Variants in GRM7 observed in about 807,000 individuals in gnomAD.
GRM7 encodes metabotropic glutamate receptor 7.
GRM7 carries 35 observed loss-of-function variants against 84.5 expected under a neutral mutation model. That is an observed-to-expected ratio of 0.41 (90% CI 0.32 to 0.55). GRM7 has a LOEUF of 0.55. Ranked by LOEUF, GRM7 falls within the 20% of genes least tolerant of loss-of-function variation. The pLI is 0.19. For missense variants in GRM7, 1,003 were observed against 1,194.6 expected (o/e 0.84, Z 2.36); for synonymous variants, 487 against 455.1 (o/e 1.07, Z -0.89).
At chr3:7,430,821 G>A (rs1388952692) in intron 5 of GRM7, among the ~76,000 whole-genome samples, 1 of 152,126 alleles carries the variant, frequency 6.6e-6, no homozygotes, top group Non-Finnish European at 1.5e-5. Flanking sequence ...TGGAGTATAG[G>A]GAAGTTTGCT....
rs539726505 is a variant in GRM7 at position 7,237,179 on chromosome 3, T to G, written c.737-61505T>G. On this transcript the variant is annotated intron_variant, in intron 2 of 9. Transcript: ENST00000357716. ...TCTGTCATTGTGGCAGTGCCAGAAT[T>G]TGAGCACAAGTCAAAAGTCTATATT... 4.5e-4 allele frequency among the ~76,000 whole-genome samples: 69 copies of G among 152,246 alleles called. No homozygotes were observed. The South Asian group carries it at 0.011, about 24-fold the overall frequency.
intron 3 of GRM7, 65 bp from the exon 4 acceptor site, chr3:7,306,433 C>T: frequency 7.2e-7 from 1 of 1,389,850 alleles, no homozygotes; most frequent in Non-Finnish European, 1.0e-6. Context: ...TGCTGACTTG[C>T]AATCTACACG....
At chr3:7,415,699 ACATT>A (rs1419351695) in intron 5 of GRM7, among the ~76,000 whole-genome samples, 2 of 152,164 alleles carry the variant, frequency 1.3e-5, no homozygotes, top group African/African-American at 2.4e-5. Context: ...GAAAAATCAC[ACATT>A]CATTCATTTA....
intron 1 of GRM7, among the ~76,000 whole-genome samples, chr3:6,916,917 G>T (rs1320813166): frequency 6.6e-6 from 1 of 152,114 alleles, no homozygotes; most frequent in East Asian, 1.9e-4. Context: ...AGAAAATGTT[G>T]CAGGTTGAGA....
chr3:7,598,082 T>C (rs1385809939), intron 8 of GRM7, among the ~76,000 whole-genome samples: 1 of 152,150 alleles, frequency 6.6e-6, no homozygotes, highest in African/African-American at 2.4e-5. Context: ...ACAGTGAAAT[T>C]TGCATGCAAA....
chr3:7,530,825 G>A (rs1701010846), intron 7 of GRM7, among the ~76,000 whole-genome samples: 1 of 151,474 alleles, frequency 6.6e-6, no homozygotes, highest in Admixed American at 6.6e-5. Context: ...TTTCTTTGTG[G>A]ATTCTGGATA....
chr3:7,075,768 T>C (rs1226099937), intron 1 of GRM7, among the ~76,000 whole-genome samples: 1 of 152,022 alleles, frequency 6.6e-6, no homozygotes, highest in African/African-American at 2.4e-5. Context: ...TCAGGTGATC[T>C]GCCCGCCTCA....
intron 5 of GRM7, among the ~76,000 whole-genome samples, chr3:7,421,603 A>G (rs1056707765): frequency 6.6e-6 from 1 of 151,716 alleles, no homozygotes; most frequent in African/African-American, 2.4e-5. Flanking sequence ...GGCGTGCATG[A>G]TTTTTCACTA....
At chr3:7,587,547 A>C (rs564634103) in intron 8 of GRM7, among the ~76,000 whole-genome samples, 13 of 152,320 alleles carry the variant, frequency 8.5e-5, no homozygotes, top group African/African-American at 2.6e-4. Context: ...GCAAAGCCCC[A>C]GAAGGCCCTG....
At chr3:7,330,201 T>G (rs1311947507) in intron 4 of GRM7, among the ~76,000 whole-genome samples, 1 of 152,138 alleles carries the variant, frequency 6.6e-6, no homozygotes, top group Non-Finnish European at 1.5e-5. Context: ...CCTGCTGTTT[T>G]TAAGGCATCA....
Position 7,471,208 on chromosome 3 carries a change from T to A in GRM7, c.1515+9486T>A, listed in dbSNP as rs929505595. 8.1e-5 allele frequency among the ~76,000 whole-genome samples: 12 copies of A among 148,630 alleles called. 1 individual carries two copies. Among genetic ancestry groups the A allele is most frequent in the Admixed American group, 8.1e-4 (12 of 14,890 alleles). ...TTGTATTAGTTTTTTATTGCTGCTGTAAAAAAAAAAATTACCGCTAATTTA... is the reference window on the plus strand; with the variant it reads ...TTGTATTAGTTTTTTATTGCTGCTGAAAAAAAAAAAATTACCGCTAATTTA... On this transcript the variant is annotated intron_variant, in intron 7 of 9. Coordinates refer to ENST00000357716, the MANE Select transcript of GRM7 (RefSeq NM_000844.4).
chr3:7,345,145 T>C (rs1692833014), intron 4 of GRM7, among the ~76,000 whole-genome samples: 2 of 152,166 alleles, frequency 1.3e-5, no homozygotes, highest in African/African-American at 2.4e-5. Context: ...TGACCTGTTA[T>C]AGAAATGACG....
At position 7,240,041 on chromosome 3, in the gene GRM7, G is replaced by T. The variant is rs1697490370; in HGVS notation, c.737-58643G>T. Among the ~76,000 whole-genome samples, 3 of 149,754 alleles carry T rather than the reference G, an allele frequency of 2.0e-5. No individual in the cohort carries two copies. In the East Asian group the frequency reaches 6.0e-4, roughly 30 times the overall value. ...CCTACTAGAGATAATGTCCAATAAAGGCAGATATCCATTTTCCCCTGTGGA... is the reference window on the plus strand; with the variant it reads ...CCTACTAGAGATAATGTCCAATAAATGCAGATATCCATTTTCCCCTGTGGA... On this transcript the variant is annotated intron_variant, in intron 2 of 9. Coordinates refer to ENST00000357716, the MANE Select transcript of GRM7 (RefSeq NM_000844.4).
At chr3:6,942,251 A>C (rs1697918996) in intron 1 of GRM7, among the ~76,000 whole-genome samples, 1 of 152,140 alleles carries the variant, frequency 6.6e-6, no homozygotes, top group African/African-American at 2.4e-5. Flanking sequence ...TGTGAGGATT[A>C]AAAGATATAA....
In GRM7 at chr3:7,369,590, G is replaced by A. The variant is rs1424544849; in HGVS notation, c.1034-45433G>A. Among the ~76,000 whole-genome samples the A allele has an allele frequency of 2.0e-5, 3 of 152,088 alleles. No individual in the cohort carries two copies. In the East Asian group the frequency reaches 5.8e-4, roughly 29 times the overall value. On this transcript the variant is annotated intron_variant, in intron 4 of 9. Transcript: ENST00000357716. ...TATTATGAAAGAAGGGGAATGGATGGTAGAGAGCAATAAGCAATTATTGTC... is the reference window on the plus strand; with the variant it reads ...TATTATGAAAGAAGGGGAATGGATGATAGAGAGCAATAAGCAATTATTGTC...
intron 8 of GRM7, among the ~76,000 whole-genome samples, chr3:7,650,806 C>G (rs368616429): frequency 1.3e-5 from 2 of 152,218 alleles, no homozygotes; most frequent in Non-Finnish European, 2.9e-5. Context: ...CAACCTTAGC[C>G]TCCTGGCTCC....
chr3:7,124,933 A>C (rs1357901614), intron 1 of GRM7, among the ~76,000 whole-genome samples: 3 of 152,062 alleles, frequency 2.0e-5, no homozygotes, highest in African/African-American at 7.2e-5. Context: ...TGCTAGTCTA[A>C]GATTAATAGT....
intron 7 of GRM7, among the ~76,000 whole-genome samples, chr3:7,529,287 G>C (rs919667443): frequency 3.3e-5 from 5 of 152,082 alleles, no homozygotes; most frequent in African/African-American, 1.2e-4. Context: ...ACTGACACAT[G>C]ATAGGTTTCA....
intron 1 of GRM7, among the ~76,000 whole-genome samples, chr3:6,980,721 G>C (rs543757509): frequency 2.4e-3 from 362 of 152,304 alleles, no homozygotes; most frequent in Non-Finnish European, 4.1e-3. Flanking sequence ...GTTCTTACTA[G>C]AGTGAAATTA....
Sources: gnomAD v4.1 joint callset for allele counts (sites outside exome capture counted in the v4.1 genomes callset) on GRCh38, gnomAD v4.1.1 for gene constraint, MANE v1.5 for transcripts, NCBI Gene and HGNC (gene_info 2026-07-23, HGNC 2026-07-21) for gene names.